Variants in DIP2C observed in about 807,000 individuals in gnomAD.
DIP2C encodes the protein DIP2 acetate--CoA ligase C (putative).
In DIP2C, 33 loss-of-function variants were observed where a neutral mutation model predicts 192.4. The observed-to-expected ratio is 0.17, with a 90% confidence interval of 0.13 to 0.23. DIP2C has a LOEUF of 0.23. Among genes scored for constraint, DIP2C ranks in the 10% least tolerant of loss-of-function variants. The pLI, the probability that DIP2C is intolerant of heterozygous loss-of-function variation, is 1.00. For missense variants in DIP2C, 1,537 were observed against 2,110.1 expected (o/e 0.73, Z 5.32); for synonymous variants, 979 against 864.1 (o/e 1.13, Z -2.33).
chr10:388,661 C>T (rs1233713320), intron 13 of DIP2C, among the ~76,000 whole-genome samples: 2 of 152,224 alleles, frequency 1.3e-5, no homozygotes, highest in African/African-American at 4.8e-5. Flanking sequence ...GTGAAAACTC[C>T]ATGGCCAAAC....
intron 3 of DIP2C, among the ~76,000 whole-genome samples, chr10:465,602 CTGTT>C (rs1970135886): frequency 6.6e-6 from 1 of 152,086 alleles, no homozygotes; most frequent in Admixed American, 6.6e-5. Flanking sequence ...CAAATTGTCC[CTGTT>C]TGCAGACAAC....
chr10:631,488 C>T (rs376431493), intron 1 of DIP2C, among the ~76,000 whole-genome samples: 308 of 152,296 alleles, frequency 2.0e-3, no homozygotes, highest in African/African-American at 5.2e-3. Flanking sequence ...AAACACTGGA[C>T]GTGTCACCTG....
intron 3 of DIP2C, among the ~76,000 whole-genome samples, chr10:449,937 G>A (rs60016089): frequency 0.013 from 1,313 of 101,942 alleles, 26 homozygotes; most frequent in African/African-American, 0.065. Context: ...AAAAAAAAAA[G>A]AAAATCTGAG....
At chr10:550,230 G>A (rs7917949) in intron 1 of DIP2C, among the ~76,000 whole-genome samples, 24,168 of 151,924 alleles carry the variant, frequency 0.16, 3,078 homozygotes, top group African/African-American at 0.35. Context: ...GGCTGGTCTC[G>A]AACTCCTGAC....
chr10:562,047 G>A (rs1334481280), intron 1 of DIP2C, among the ~76,000 whole-genome samples: 1 of 152,242 alleles, frequency 6.6e-6, no homozygotes, highest in Admixed American at 6.5e-5. Context: ...TCCGAAGGAT[G>A]CATTTTAAAG....
Position 338,575 on chromosome 10 carries a change from T to C in DIP2C, c.3584+2624A>G, listed in dbSNP as rs576008730. ...ACGCTGCACAGGACTGCGGACTGGG[T>C]GTGTCAGGCTGTACCAGCCAAGTCT... On this transcript the variant is annotated intron_variant, in intron 29 of 36. Coordinates refer to ENST00000280886, the MANE Select transcript of DIP2C (RefSeq NM_014974.3). Among the ~76,000 whole-genome samples, 25 of 152,240 alleles carry C rather than the reference T, an allele frequency of 1.6e-4. No homozygotes were observed. In the South Asian group the frequency reaches 5.2e-3, roughly 32 times the overall value.
intron 1 of DIP2C, among the ~76,000 whole-genome samples, chr10:583,533 C>CG (rs1308962438): frequency 6.6e-6 from 1 of 152,162 alleles, no homozygotes; most frequent in Non-Finnish European, 1.5e-5. Context: ...AGGAGAGGGG[C>CG]GGCTCAGAGG....
At chr10:378,671 GCACACATGAACAGACATGCATA>G (rs1335886935) in intron 17 of DIP2C, among the ~76,000 whole-genome samples, 2 of 150,364 alleles carry the variant, frequency 1.3e-5, no homozygotes, top group East Asian at 2.0e-4. Context: ...ATATGCCTAG[GCACACATGAACAGACATGCATA>G]CACACATGAA....
At chr10:484,715 C>T (rs1366374241) in intron 2 of DIP2C, 30 of 1,542,864 alleles carry the variant, frequency 1.9e-5, no homozygotes, top group South Asian at 4.9e-5. Flanking sequence ...GGATGGCACT[C>T]GGCGGGTGGC....
chr10:624,305 G>A (rs767062406), intron 1 of DIP2C, among the ~76,000 whole-genome samples: 4 of 152,188 alleles, frequency 2.6e-5, no homozygotes, highest in Non-Finnish European at 5.9e-5. Context: ...CCAGCTCCTC[G>A]GTGGCTGCAG....
chr10:572,689 G>A (rs1356261090), intron 1 of DIP2C, among the ~76,000 whole-genome samples: 1 of 152,050 alleles, frequency 6.6e-6, no homozygotes. Flanking sequence ...CTCCATAATA[G>A]ACAAAAAAAA....
chr10:616,709 T>TA (rs1289763824), intron 1 of DIP2C, among the ~76,000 whole-genome samples: 2 of 152,222 alleles, frequency 1.3e-5, no homozygotes, highest in Admixed American at 1.3e-4. Context: ...CCTCCTGGAA[T>TA]AGCCCAGCAA....
rs1168268113 is a variant in DIP2C, at chr10:285,570, A to C, written c.4119+703T>G. On this transcript the variant is annotated intron_variant, in intron 34 of 36. Transcript: ENST00000280886. Reference sequence around the variant, plus strand: ...CCCTCTGCTTCCTCATAGAAGCAGGAAGCTCAGTGCCAGAGAGAATGCGGC... The same window carrying C: ...CCCTCTGCTTCCTCATAGAAGCAGGCAGCTCAGTGCCAGAGAGAATGCGGC... Among the ~76,000 whole-genome samples, 33 of 152,240 alleles carry C rather than the reference A, an allele frequency of 2.2e-4. 1 individual carries two copies. Among genetic ancestry groups the C allele is most frequent in the Admixed American group, 2.0e-3 (31 of 15,290 alleles).
At chr10:681,571 G>A (rs1259821318) in intron 1 of DIP2C, among the ~76,000 whole-genome samples, 4 of 145,846 alleles carry the variant, frequency 2.7e-5, no homozygotes, top group Non-Finnish European at 4.5e-5. Context: ...CTATGGCCAC[G>A]GAAATTCCAG....
intron 32 of DIP2C, among the ~76,000 whole-genome samples, chr10:306,828 T>G (rs1196205104): frequency 6.6e-6 from 1 of 152,168 alleles, no homozygotes; most frequent in Admixed American, 6.5e-5. Flanking sequence ...TTCCTTTACT[T>G]TGTCCTCACA....
chr10:426,374 T>C (rs1190858258), intron 4 of DIP2C, among the ~76,000 whole-genome samples: 2 of 152,192 alleles, frequency 1.3e-5, no homozygotes, highest in East Asian at 3.8e-4. Flanking sequence ...TAAATGGAGA[T>C]AGATTCATGA....
chr10:369,354 T>C, intron 18 of DIP2C, 140 bp downstream of exon 18: 1 of 1,129,262 alleles, frequency 8.9e-7, no homozygotes, highest in Non-Finnish European at 1.2e-6. Flanking sequence ...TAACAAAGAC[T>C]TCAGAAGACT....
At chr10:307,573 C>A (rs930730567) in intron 32 of DIP2C, among the ~76,000 whole-genome samples, 2 of 152,006 alleles carry the variant, frequency 1.3e-5, no homozygotes, top group Non-Finnish European at 2.9e-5. Context: ...ACTGGGACGC[C>A]GCTGAGATTC....
intron 1 of DIP2C, among the ~76,000 whole-genome samples, chr10:582,182 C>T (rs1271916663): frequency 6.6e-6 from 1 of 152,208 alleles, no homozygotes; most frequent in Non-Finnish European, 1.5e-5. Flanking sequence ...TCCTAACAGA[C>T]CGTGGACTGG....
Sources: gnomAD v4.1 joint callset for allele counts (sites outside exome capture counted in the v4.1 genomes callset) on GRCh38, gnomAD v4.1.1 for gene constraint, MANE v1.5 for transcripts, NCBI Gene and HGNC (gene_info 2026-07-23, HGNC 2026-07-21) for gene names.